The following KCNMA1 variants were observed in gnomAD, a reference collection of about 807,000 sequenced individuals.
The protein encoded by KCNMA1 is potassium calcium-activated channel subfamily M alpha 1.
In KCNMA1, 29 loss-of-function variants were observed where a neutral mutation model predicts 140.0. The ratio of observed to expected loss-of-function variants is 0.21; its 90% CI spans 0.15 to 0.28. The LOEUF (loss-of-function observed/expected upper bound fraction) is 0.28, where lower values mean the gene tolerates loss of function less well. KCNMA1 is among the 10% of genes least tolerant of loss of function. The pLI is 1.00. For synonymous variants in KCNMA1, 612 were observed against 611.9 expected (o/e 1.00, Z 0.00); for missense variants, 880 against 1,602.2 (o/e 0.55, Z 7.70).
At chr10:77,168,796 G>C (rs2098671238) in intron 5 of KCNMA1, among the ~76,000 whole-genome samples, 2 of 152,174 alleles carry the variant, frequency 1.3e-5, no homozygotes, top group Admixed American at 1.3e-4. Flanking sequence ...CATAGTGCCA[G>C]ACATTTAGAG....
intron 9 of KCNMA1, among the ~76,000 whole-genome samples, chr10:77,098,214 T>C (rs2096987646): frequency 6.6e-6 from 1 of 152,200 alleles, no homozygotes; most frequent in Admixed American, 6.5e-5. Context: ...AGAAACTCAG[T>C]GCCGGGGACA....
chr10:77,111,256 T>G (rs866052901), intron 7 of KCNMA1, among the ~76,000 whole-genome samples: 9 of 152,328 alleles, frequency 5.9e-5, no homozygotes, highest in Middle Eastern at 6.8e-3. Flanking sequence ...ATGCCTGTGA[T>G]CCACCCACAG....
chr10:77,628,892 A>C (rs1274783562), intron 1 of KCNMA1, among the ~76,000 whole-genome samples: 1 of 152,208 alleles, frequency 6.6e-6, no homozygotes, highest in Non-Finnish European at 1.5e-5. Flanking sequence ...AGGATGGAGC[A>C]AGAGGAGGAG....
At chr10:77,039,883 CTTTTTTTTT>C (rs34943268) in intron 14 of KCNMA1, among the ~76,000 whole-genome samples, 3 of 78,954 alleles carry the variant, frequency 3.8e-5, no homozygotes, top group African/African-American at 1.6e-4. Flanking sequence ...TTTTCTTTTT[CTTTTTTTTT>C]TTTTTTTTTT....
At chr10:76,988,804 A>C (rs1302204247) in intron 19 of KCNMA1, among the ~76,000 whole-genome samples, 1 of 152,172 alleles carries the variant, frequency 6.6e-6, no homozygotes, top group Non-Finnish European at 1.5e-5. Context: ...CCCAGGACCT[A>C]AGGATTCTAA....
chr10:77,345,343 C>A (rs1711665055), intron 2 of KCNMA1, among the ~76,000 whole-genome samples: 1 of 152,088 alleles, frequency 6.6e-6, no homozygotes, highest in South Asian at 2.1e-4. Flanking sequence ...TTAGAACTGC[C>A]CTGCATTGTC....
intron 5 of KCNMA1, among the ~76,000 whole-genome samples, chr10:77,152,306 G>GTGT (rs2098429542): frequency 6.6e-6 from 1 of 151,498 alleles, no homozygotes; most frequent in Admixed American, 6.6e-5. Flanking sequence ...GTGTGTGTGT[G>GTGT]TGTTGTTGCT....
chr10:77,231,882 C>A (rs1213390531), intron 3 of KCNMA1, among the ~76,000 whole-genome samples: 1 of 152,184 alleles, frequency 6.6e-6, no homozygotes. Flanking sequence ...ATGGGACAAT[C>A]AATTTTAAAA....
intron 1 of KCNMA1, among the ~76,000 whole-genome samples, chr10:77,544,627 T>C (rs933140177): frequency 2.6e-5 from 4 of 152,216 alleles, no homozygotes; most frequent in Non-Finnish European, 5.9e-5. Flanking sequence ...CTTTAAATCT[T>C]CAGAGCAACT....
intron 14 of KCNMA1, among the ~76,000 whole-genome samples, chr10:77,041,925 G>T (rs1367405567): frequency 6.6e-6 from 1 of 152,160 alleles, no homozygotes; most frequent in Non-Finnish European, 1.5e-5. Context: ...GTGGGCAAGG[G>T]CACACCTACC....
intron 1 of KCNMA1, among the ~76,000 whole-genome samples, chr10:77,600,523 T>C (rs2082276583): frequency 6.6e-6 from 1 of 152,142 alleles, no homozygotes; most frequent in Admixed American, 6.5e-5. Flanking sequence ...CCAAGGCAGG[T>C]GGATCACCTG....
intron 23 of KCNMA1, among the ~76,000 whole-genome samples, chr10:76,940,214 C>A (rs1403931616): frequency 6.6e-6 from 1 of 152,210 alleles, no homozygotes; most frequent in Non-Finnish European, 1.5e-5. Context: ...TTTTTGACAA[C>A]AAGCCATCAC....
Position 77,108,640 on chromosome 10 carries a change from G to C in KCNMA1, c.1132-68C>G, listed in dbSNP as rs767923149. ...AAAGAAAAGGGGGGACCTGTTCAGA[G>C]GGTGGGGGCACTAAGATCTGAAAAC... On this transcript the variant is annotated intron_variant, in intron 8 of 27. Coordinates refer to ENST00000286628, the MANE Select transcript of KCNMA1 (RefSeq NM_001161352.2). This position sits in a 1 kb window ranked among gnomAD's most constrained non-coding sequence, Gnocchi z 4.6. The C allele has an allele frequency of 8.8e-7, 1 of 1,133,588 alleles. No homozygotes were observed. Among genetic ancestry groups the C allele is most frequent in the Non-Finnish European group, 1.3e-6 (1 of 749,424 alleles). The allele number at this position is 1,133,588 out of a possible 1,614,324, so 70.2% of individuals were successfully genotyped here. A position where few individuals can be genotyped will look rare whatever the true frequency, so the allele number is the denominator to read the frequency against.
At chr10:76,907,809 G>A (rs2048397137) in intron 25 of KCNMA1, among the ~76,000 whole-genome samples, 1 of 152,102 alleles carries the variant, frequency 6.6e-6, no homozygotes, top group Non-Finnish European at 1.5e-5. Context: ...CTAAAGTGCT[G>A]GGTTACAAGC....
intron 1 of KCNMA1, among the ~76,000 whole-genome samples, chr10:77,463,026 G>C (rs968762396): frequency 6.6e-6 from 1 of 152,192 alleles, no homozygotes; most frequent in African/African-American, 2.4e-5. Flanking sequence ...GGGGTGGGGA[G>C]AAGGTGGAAG....
intron 23 of KCNMA1, among the ~76,000 whole-genome samples, chr10:76,921,223 A>G (rs1217226534): frequency 6.6e-6 from 1 of 152,206 alleles, no homozygotes; most frequent in Non-Finnish European, 1.5e-5. Context: ...GAAATAAATT[A>G]GGCCGAGTCA....
chr10:77,362,350 C>T (rs1296771865), intron 2 of KCNMA1, among the ~76,000 whole-genome samples: 1 of 80,070 alleles, frequency 1.2e-5, no homozygotes, highest in Non-Finnish European at 2.3e-5. Context: ...CCTATCCCCC[C>T]CCACCCCCCC....
At chr10:77,375,709 C>G (rs1270753156) in intron 2 of KCNMA1, among the ~76,000 whole-genome samples, 2 of 152,256 alleles carry the variant, frequency 1.3e-5, no homozygotes, top group Admixed American at 1.3e-4. Context: ...TTGTCAGCAG[C>G]TTCTTCAGGG....
intron 1 of KCNMA1, among the ~76,000 whole-genome samples, chr10:77,454,892 A>G (rs959434830): frequency 6.6e-6 from 1 of 152,080 alleles, no homozygotes; most frequent in Non-Finnish European, 1.5e-5. Flanking sequence ...CATCCATCCA[A>G]TGTGAACTAG....
Sources: gnomAD v4.1 joint callset for allele counts (sites outside exome capture counted in the v4.1 genomes callset) on GRCh38, gnomAD v4.1.1 for gene constraint, Gnocchi (gnomAD v3.1) non-coding constraint, MANE v1.5 for transcripts, NCBI Gene and HGNC (gene_info 2026-07-23, HGNC 2026-07-21) for gene names.